PPP2R5E: variants seen among roughly 807,000 people sequenced by gnomAD.
PPP2R5E encodes serine/threonine-protein phosphatase 2A 56 kDa regulatory subunit epsilon isoform.
A neutral mutation model predicts 65.3 loss-of-function variants in PPP2R5E; 4 were observed. The observed-to-expected ratio is 0.06, with a 90% CI of 0.03 to 0.14. The LOEUF (loss-of-function observed/expected upper bound fraction) is 0.14, where lower values mean the gene tolerates loss of function less well. Among genes scored for constraint, PPP2R5E ranks in the 10% least tolerant of loss-of-function variants. The pLI is 1.00. For synonymous variants in PPP2R5E, 183 were observed against 187.4 expected (o/e 0.98, Z 0.19); for missense variants, 274 against 556.1 (o/e 0.49, Z 5.10).
intron 3 of PPP2R5E, among the ~76,000 whole-genome samples, chr14:63,435,299 C>T (rs976346756): frequency 2.0e-5 from 3 of 151,968 alleles, no homozygotes; most frequent in Non-Finnish European, 4.4e-5. Flanking sequence ...TAGGAGCAGA[C>T]TGGCCAAAAT....
At chr14:63,442,639 ATTG>A (rs1348910562) in intron 3 of PPP2R5E, among the ~76,000 whole-genome samples, 2 of 152,198 alleles carry the variant, frequency 1.3e-5, no homozygotes, top group African/African-American at 4.8e-5. Context: ...ACTACAGTAT[ATTG>A]TTATAGCTAT....
intron 2 of PPP2R5E, among the ~76,000 whole-genome samples, chr14:63,472,658 T>A (rs768669122): frequency 1.3e-5 from 2 of 152,124 alleles, no homozygotes; most frequent in African/African-American, 4.8e-5. Context: ...GAACAAGGAA[T>A]AAACAAAGGA....
chr14:63,373,068 G>C lies in PPP2R5E; in HGVS notation c.*2941C>G, dbSNP rs1883776011. ...AACAGGAATGCATGCTTGATTCAAA[G>C]TATGAGATGGGTGAATTCACTCACA... is the stretch of plus-strand genomic sequence containing the variant. On this transcript the variant is annotated 3_prime_UTR_variant, in exon 14 of 14. Transcript: ENST00000337537. 2 of 152,126 alleles carry C rather than the reference G, an allele frequency of 1.3e-5. No homozygotes were observed. The highest frequency in any genetic ancestry group is 6.6e-5 in the Admixed American group (1 of 15,256). 9.4% of individuals were successfully genotyped at this position (152,126 alleles called of 1,614,324 possible).
chr14:63,523,517 C>G (rs1239435666), intron 2 of PPP2R5E, among the ~76,000 whole-genome samples: 1 of 151,722 alleles, frequency 6.6e-6, no homozygotes, highest in Non-Finnish European at 1.5e-5. Flanking sequence ...GCAGCATGCT[C>G]GTTAAGAGTC....
rs200790475 is a variant in PPP2R5E at position 63,515,535 on chromosome 14, CT to C, written c.157+23993del. 5.9e-3 allele frequency among the ~76,000 whole-genome samples: 859 copies of C among 145,434 alleles called. 11 individuals carry two copies. The highest frequency in any genetic ancestry group is 0.057 in the East Asian group (289 of 5,048). On this transcript the variant is annotated intron_variant, in intron 2 of 13. Coordinates refer to ENST00000337537, the MANE Select transcript of PPP2R5E (RefSeq NM_006246.5). ...TTGTGAACATTATCATTCACAGACA[CT>C]TTTTTTTTTTTTGAGTCAGAGTCTC...
At chr14:63,480,944 T>G (rs1404425421) in intron 2 of PPP2R5E, among the ~76,000 whole-genome samples, 1 of 152,212 alleles carries the variant, frequency 6.6e-6, no homozygotes, top group Non-Finnish European at 1.5e-5. Flanking sequence ...AAGGGTCGGT[T>G]TGAGTGTTAA....
rs75722391 is a variant in PPP2R5E, at chr14:63,465,900, G to T, written c.158-12015C>A. On this transcript the variant is annotated intron_variant, in intron 2 of 13. Transcript: ENST00000337537. ...AAGTATGAGAAACAAAAATCTTCAA[G>T]AAAAAAGATTATTTTTTATTTACGC... is the stretch of plus-strand genomic sequence containing the variant. 8.0e-3 allele frequency among the ~76,000 whole-genome samples: 1,220 copies of T among 151,972 alleles called. 42 individuals are homozygous for T. The East Asian group carries it at 0.11, about 14-fold the overall frequency.
At chr14:63,394,195 C>T (rs186153662) in intron 7 of PPP2R5E, among the ~76,000 whole-genome samples, 172 of 151,044 alleles carry the variant, frequency 1.1e-3, no homozygotes, top group African/African-American at 3.9e-3. Flanking sequence ...TATTCCTATG[C>T]CTCAGGCCTC....
intron 11 of PPP2R5E, among the ~76,000 whole-genome samples, chr14:63,388,875 C>T (rs541474951): frequency 6.6e-6 from 1 of 152,316 alleles, no homozygotes; most frequent in Admixed American, 6.5e-5. Context: ...GTTTATGAAA[C>T]GGGCCTTAGG....
At chr14:63,468,005 G>A (rs1252328708) in intron 2 of PPP2R5E, among the ~76,000 whole-genome samples, 2 of 152,188 alleles carry the variant, frequency 1.3e-5, no homozygotes, top group African/African-American at 4.8e-5. Flanking sequence ...ACCCCACAGA[G>A]TTTACTTAAG....
At chr14:63,468,130 T>C (rs1282940871) in intron 2 of PPP2R5E, among the ~76,000 whole-genome samples, 5 of 152,264 alleles carry the variant, frequency 3.3e-5, no homozygotes, top group Non-Finnish European at 7.3e-5. Flanking sequence ...CTGCTGAGCC[T>C]TAGTATCTTT....
chr14:63,474,671 C>T (rs1890309916), intron 2 of PPP2R5E, among the ~76,000 whole-genome samples: 1 of 36,948 alleles, frequency 2.7e-5, no homozygotes, highest in Non-Finnish European at 4.5e-5. Context: ...GATACCCCAT[C>T]TCAAAAAAAA....
At chr14:63,476,978 T>C (rs1038079100) in intron 2 of PPP2R5E, among the ~76,000 whole-genome samples, 1 of 152,028 alleles carries the variant, frequency 6.6e-6, no homozygotes, top group Non-Finnish European at 1.5e-5. Context: ...ACACACAAAA[T>C]ATGAATCCAA....
chr14:63,437,299 T>C (rs1191868377), intron 3 of PPP2R5E, among the ~76,000 whole-genome samples: 1 of 152,320 alleles, frequency 6.6e-6, no homozygotes, highest in East Asian at 1.9e-4. Flanking sequence ...TGGATGACTA[T>C]TTTTATGCCT....
intron 2 of PPP2R5E, among the ~76,000 whole-genome samples, chr14:63,500,858 C>T (rs1206571124): frequency 6.6e-6 from 1 of 151,634 alleles, no homozygotes; most frequent in Non-Finnish European, 1.5e-5. Flanking sequence ...CAGAGTGAGA[C>T]CGCATCTCTA....
chr14:63,421,643 T>C (rs1370434424), intron 4 of PPP2R5E, among the ~76,000 whole-genome samples: 1 of 152,206 alleles, frequency 6.6e-6, no homozygotes, highest in Non-Finnish European at 1.5e-5. Flanking sequence ...AAATGAGATA[T>C]ATACTCTGTG....
At chr14:63,486,703 T>C (rs185314759) in intron 2 of PPP2R5E, among the ~76,000 whole-genome samples, 9 of 152,232 alleles carry the variant, frequency 5.9e-5, no homozygotes, top group Non-Finnish European at 1.2e-4. Context: ...CCATCCCGCA[T>C]AAACTTTAAG....
rs764926589 is a variant in PPP2R5E at position 63,415,184 on chromosome 14, G to T, written c.505C>A (p.Pro169Thr). 2 of 1,605,244 alleles carry T rather than the reference G, an allele frequency of 1.2e-6. No homozygotes were observed. The part of the protein sequence containing the change: ...IRFLESQEFQ[P>T]SIAKKYIDQK... ...TCTATATATTTTTTGGCAATGCTGG[G>T]TTGGAATTCTTGGCTTTCCAAAAAT... Residue 169 changes from proline (P) to threonine (T), a missense_variant, in exon 5 of 14, where the codon CCC (proline) becomes ACC (threonine). Transcript: ENST00000337537.
chr14:63,479,367 A>C (rs1409008044), intron 2 of PPP2R5E: 2 of 152,158 alleles, frequency 1.3e-5, no homozygotes, highest in Non-Finnish European at 2.9e-5. Context: ...GATCATCCTC[A>C]GAACTGCCAC....
Sources: allele counts gnomAD v4.1 joint callset (sites outside exome capture counted in the v4.1 genomes callset), GRCh38; gene constraint gnomAD v4.1.1; transcripts MANE v1.5; gene names NCBI Gene and HGNC (gene_info 2026-07-23, HGNC 2026-07-21).